The following PIK3C2G variants were observed in gnomAD, a reference collection of about 807,000 sequenced individuals.
PIK3C2G encodes the protein phosphatidylinositol 3-kinase C2 domain-containing subunit gamma.
A neutral mutation model predicts 181.1 loss-of-function variants in PIK3C2G; 168 were observed. The observed-to-expected ratio is 0.93, with a 90% CI of 0.82 to 1.05. The LOEUF (loss-of-function observed/expected upper bound fraction) is 1.05. Ranked by LOEUF, PIK3C2G falls within the 50% of genes least tolerant of loss-of-function variation. The pLI, the probability that PIK3C2G is intolerant of heterozygous loss-of-function variation, is 0.00. For missense variants in PIK3C2G, 1,869 were observed against 1,732.8 expected (o/e 1.08, Z -1.40); for synonymous variants, 573 against 592.2 (o/e 0.97, Z 0.47).
rs558023391 is a variant in PIK3C2G at position 18,342,901 on chromosome 12, A to G, written c.1396-426A>G. 4.9e-4 allele frequency among the ~76,000 whole-genome samples: 74 copies of G among 152,242 alleles called. No individual in the cohort carries two copies. The South Asian group carries it at 0.015, about 31-fold the overall frequency. On this transcript the variant is annotated intron_variant, in intron 9 of 32. Transcript: ENST00000538779. Reference sequence around the variant, plus strand: ...AAGAAAAAAAGAAAGAAAACTATTTAGTGAATCTGTACTGATTTTGTCCAC... The same window carrying G: ...AAGAAAAAAAGAAAGAAAACTATTTGGTGAATCTGTACTGATTTTGTCCAC...
chr12:18,691,464 A>G, the PIK3C2G span, among the ~76,000 whole-genome samples: 1 of 152,158 alleles, frequency 6.6e-6, no homozygotes, highest in African/African-American at 2.4e-5. Flanking sequence ...TCCAAGGAGA[A>G]TAGTTTGAGA....
At chr12:18,594,814 T>C (rs1368104720) in intron 30 of PIK3C2G, among the ~76,000 whole-genome samples, 3 of 152,068 alleles carry the variant, frequency 2.0e-5, no homozygotes, top group African/African-American at 7.2e-5. Flanking sequence ...ATTTTGTCAC[T>C]AGTCTCTCAA....
At chr12:18,720,529 T>C in the PIK3C2G span, among the ~76,000 whole-genome samples, 1 of 151,650 alleles carries the variant, frequency 6.6e-6, no homozygotes, top group Non-Finnish European at 1.5e-5. Flanking sequence ...TAACTTGTTA[T>C]ATGATCTTGA....
At chr12:18,701,720 G>A in the PIK3C2G span, 8 of 1,610,524 alleles carry the variant, frequency 5.0e-6, no homozygotes, top group African/African-American at 9.4e-5. Flanking sequence ...TTCTTTCATG[G>A]GTTTCCTTTA....
chr12:18,255,170 C>T (rs1243197209), intron 1 of PIK3C2G, among the ~76,000 whole-genome samples: 4 of 150,796 alleles, frequency 2.7e-5, no homozygotes, highest in Admixed American at 6.6e-5. Flanking sequence ...GAGCTGAGAT[C>T]GCACCGTTGC....
chr12:18,529,959 A>G (rs977372638), intron 24 of PIK3C2G, among the ~76,000 whole-genome samples: 2 of 152,164 alleles, frequency 1.3e-5, no homozygotes, highest in Non-Finnish European at 2.9e-5. Context: ...TCTCTGTTCT[A>G]TGCACAGCAG....
chr12:18,396,292 A>G (rs1943888161), intron 15 of PIK3C2G, among the ~76,000 whole-genome samples: 1 of 151,658 alleles, frequency 6.6e-6, no homozygotes, highest in Admixed American at 6.6e-5. Context: ...TAGATCTAGG[A>G]AAAAAAGTGG....
chr12:18,427,014 T>C (rs1261374769), intron 18 of PIK3C2G, among the ~76,000 whole-genome samples: 1 of 152,292 alleles, frequency 6.6e-6, no homozygotes, highest in Non-Finnish European at 1.5e-5. Flanking sequence ...GTTAAGTGGA[T>C]ACACTTTGTG....
At chr12:18,697,272 A>G in the PIK3C2G span, among the ~76,000 whole-genome samples, 29 of 152,272 alleles carry the variant, frequency 1.9e-4, no homozygotes, top group African/African-American at 6.7e-4. Flanking sequence ...AAGCATTGTC[A>G]AATTAAAAAT....
chr12:18,364,069 C>T (rs1941463536), intron 12 of PIK3C2G, among the ~76,000 whole-genome samples: 1 of 152,188 alleles, frequency 6.6e-6, no homozygotes, highest in Non-Finnish European at 1.5e-5. Context: ...TTTAGCAAAG[C>T]ACACAAGGCC....
chr12:18,533,190 A>T (rs1943650609), intron 24 of PIK3C2G, among the ~76,000 whole-genome samples: 1 of 152,086 alleles, frequency 6.6e-6, no homozygotes, highest in African/African-American at 2.4e-5. Flanking sequence ...TTTCACTCAC[A>T]AAATTTTACC....
At chr12:18,324,959 G>A in intron 7 of PIK3C2G, 76 bp from the exon 8 acceptor site, 2 of 716,040 alleles carry the variant, frequency 2.8e-6, no homozygotes, top group Non-Finnish European at 4.8e-6. Flanking sequence ...AACAATTTGT[G>A]ATAAATGTTT....
At chr12:18,573,126 T>A (rs1592617774) in intron 29 of PIK3C2G, among the ~76,000 whole-genome samples, 1 of 136,272 alleles carries the variant, frequency 7.3e-6, no homozygotes, top group Admixed American at 6.8e-5. Context: ...AGTTATTTTC[T>A]TTTTTTATTG....
At chr12:18,416,238 C>A (rs1243172440) in intron 16 of PIK3C2G, among the ~76,000 whole-genome samples, 2 of 150,904 alleles carry the variant, frequency 1.3e-5, no homozygotes. Flanking sequence ...GAGCAAGACT[C>A]CATCTCAAAA....
At chr12:18,299,468 G>T (rs534452348) in intron 5 of PIK3C2G, among the ~76,000 whole-genome samples, 2 of 151,898 alleles carry the variant, frequency 1.3e-5, no homozygotes, top group Admixed American at 1.3e-4. Flanking sequence ...TTCTGAATAT[G>T]AGATCCTGTC....
the PIK3C2G span, among the ~76,000 whole-genome samples, chr12:18,715,480 C>A: frequency 1.3e-5 from 2 of 151,738 alleles, no homozygotes; most frequent in Admixed American, 1.3e-4. Flanking sequence ...CGGCTCACTG[C>A]AAGCTCCGCC....
chr12:18,688,553 CAT>C, the PIK3C2G span, among the ~76,000 whole-genome samples: 420 of 146,232 alleles, frequency 2.9e-3, 2 homozygotes, highest in African/African-American at 6.6e-3. Flanking sequence ...TTTTTGAATT[CAT>C]ATATATATAT....
intron 21 of PIK3C2G, among the ~76,000 whole-genome samples, chr12:18,496,880 T>C (rs992430775): frequency 6.6e-6 from 1 of 152,188 alleles, no homozygotes; most frequent in Non-Finnish European, 1.5e-5. Flanking sequence ...GGTCCCACAA[T>C]GCTGTACTTT....
chr12:18,717,943 C>T, the PIK3C2G span, among the ~76,000 whole-genome samples: 1 of 152,066 alleles, frequency 6.6e-6, no homozygotes. Context: ...TGAGATACTC[C>T]GTCGCACGAT....
Sources: gnomAD v4.1 joint callset for allele counts (sites outside exome capture counted in the v4.1 genomes callset) on GRCh38, gnomAD v4.1.1 for gene constraint, MANE v1.5 for transcripts, NCBI Gene and HGNC (gene_info 2026-07-23, HGNC 2026-07-21) for gene names.